The following PRELID2 variants were observed in gnomAD, a reference collection of about 807,000 sequenced individuals.
PRELID2 encodes the protein PRELI domain containing 2.
In PRELID2, 25 loss-of-function variants were observed where a neutral mutation model predicts 28.4. The observed-to-expected ratio is 0.88, with a 90% confidence interval of 0.64 to 1.23. The LOEUF (loss-of-function observed/expected upper bound fraction) is 1.23, where lower values mean the gene tolerates loss of function less well. PRELID2 is among the 50% of genes most tolerant of loss of function. PRELID2 has a pLI of 0.00. For missense variants in PRELID2, 201 were observed against 214.4 expected, an observed-to-expected ratio of 0.94 and a Z score of 0.39; for synonymous variants, 76 against 71.6, an observed-to-expected ratio of 1.06 and a Z score of -0.31.
At chr5:145,819,809 C>G (rs185676723) in intron 3 of PRELID2, 136 bp downstream of exon 3, 1 of 681,826 alleles carries the variant, frequency 1.5e-6, no homozygotes, top group Non-Finnish European at 2.6e-6. Context: ...AAAGAGCTTT[C>G]TTCCTCAGAA....
the PRELID2 span, among the ~76,000 whole-genome samples, chr5:145,340,690 C>T: frequency 1.4e-3 from 216 of 150,924 alleles, no homozygotes; most frequent in African/African-American, 5.2e-3. Flanking sequence ...TCACTTGAGC[C>T]GGGGATGCAG....
chr5:145,721,683 G>A (rs1159197107), intron 1 of PRELID2, among the ~76,000 whole-genome samples: 1 of 151,966 alleles, frequency 6.6e-6, no homozygotes, highest in Non-Finnish European at 1.5e-5. Flanking sequence ...TCACCAACAG[G>A]TATCAAAGCC....
At chr5:145,637,975 T>A (rs1330544760) in intron 1 of PRELID2, among the ~76,000 whole-genome samples, 1 of 152,102 alleles carries the variant, frequency 6.6e-6, no homozygotes, top group Non-Finnish European at 1.5e-5. Context: ...CACATCCAGC[T>A]AATTTTTGTA....
the PRELID2 span, among the ~76,000 whole-genome samples, chr5:145,357,911 ATT>A: frequency 1.1e-4 from 15 of 142,616 alleles, no homozygotes; most frequent in African/African-American, 2.1e-4. Flanking sequence ...TGTCCCTTGG[ATT>A]TTTTTTTTTT....
chr5:145,725,901 A>G (rs1756131701), intron 1 of PRELID2, among the ~76,000 whole-genome samples: 1 of 152,184 alleles, frequency 6.6e-6, no homozygotes, highest in Non-Finnish European at 1.5e-5. Context: ...AAGAATTTAC[A>G]CGTGGGTGCA....
At chr5:145,488,294 T>C (rs1020486675) in intron 1 of PRELID2, among the ~76,000 whole-genome samples, 1 of 152,082 alleles carries the variant, frequency 6.6e-6, no homozygotes, top group Non-Finnish European at 1.5e-5. Context: ...TAGGAAAGAA[T>C]TAAGATTATC....
In PRELID2 at chr5:145,604,892, T is replaced by TATATATATATATATATATATATATATAC. The variant is rs1561517249; in HGVS notation, n.71-131578_71-131577insGTATATATATATATATATATATATATAT. Among the ~76,000 whole-genome samples the TATATATATATATATATATATATATATAC allele has an allele frequency of 2.0e-4, 28 of 142,912 alleles. 1 individual carries two copies. Among genetic ancestry groups the TATATATATATATATATATATATATATAC allele is most frequent in the African/African-American group, 6.6e-4 (25 of 37,950 alleles). 93.8% of individuals were successfully genotyped at this position (142,912 alleles called of 152,430 possible). On this transcript the variant is annotated intron_variant and non_coding_transcript_variant, in intron 1 of 2. Coordinates refer to the PRELID2 transcript ENST00000510259. ...AATATGCTTGTTGGCCATATATATA[T>TATATATATATATATATATATATATATAC]ATATATATATATTCTATTGAATTAT... is the stretch of plus-strand genomic sequence containing the variant.
chr5:145,799,422 T>C (rs549902066), intron 4 of PRELID2, among the ~76,000 whole-genome samples: 6 of 152,090 alleles, frequency 3.9e-5, no homozygotes, highest in African/African-American at 9.7e-5. Flanking sequence ...TACTATATGC[T>C]AAGTGCCATA....
At chr5:145,577,067 G>T (rs1753067234) in intron 1 of PRELID2, among the ~76,000 whole-genome samples, 1 of 152,118 alleles carries the variant, frequency 6.6e-6, no homozygotes, top group African/African-American at 2.4e-5. Flanking sequence ...GACCCTGCCA[G>T]CCAGCCTTCA....
chr5:145,423,275 G>A, the PRELID2 span, among the ~76,000 whole-genome samples: 3 of 147,886 alleles, frequency 2.0e-5, no homozygotes, highest in Non-Finnish European at 4.5e-5. Context: ...GAATCTGAAC[G>A]TTGGCCTGCC....
chr5:145,433,637 G>T, the PRELID2 span, among the ~76,000 whole-genome samples: 4 of 152,154 alleles, frequency 2.6e-5, no homozygotes, highest in Non-Finnish European at 4.4e-5. Context: ...CTCCTCAGAG[G>T]TCTGAGCCCC....
intron 1 of PRELID2, among the ~76,000 whole-genome samples, chr5:145,703,127 T>G (rs564141768): frequency 6.6e-5 from 10 of 152,286 alleles, no homozygotes; most frequent in African/African-American, 2.4e-4. Flanking sequence ...GTATACTAAG[T>G]CTTTGGAAGA....
chr5:145,342,201 A>G, the PRELID2 span, among the ~76,000 whole-genome samples: 1 of 152,222 alleles, frequency 6.6e-6, no homozygotes, highest in East Asian at 1.9e-4. Flanking sequence ...TCCAAGATAG[A>G]CAAATCTTGA....
intron 4 of PRELID2, among the ~76,000 whole-genome samples, chr5:145,799,383 T>G (rs1752981492): frequency 1.3e-5 from 2 of 152,112 alleles, no homozygotes; most frequent in Admixed American, 1.3e-4. Flanking sequence ...CCTCATTCAT[T>G]CATTTGTTCA....
chr5:145,766,494 A>C, intron 5 of PRELID2, among the ~76,000 whole-genome samples: 1 of 152,208 alleles, frequency 6.6e-6, no homozygotes, highest in East Asian at 1.9e-4. Context: ...AATAAAATAT[A>C]TTTAACACCA....
the PRELID2 span, among the ~76,000 whole-genome samples, chr5:145,346,902 ACTGTGAGCATC>A: frequency 2.0e-5 from 3 of 152,126 alleles, no homozygotes; most frequent in African/African-American, 7.2e-5. Flanking sequence ...AAATAAATTA[ACTGTGAGCATC>A]CTAGACTATG....
chr5:145,798,148 G>A (rs148678684), intron 4 of PRELID2, among the ~76,000 whole-genome samples: 2 of 151,862 alleles, frequency 1.3e-5, no homozygotes, highest in South Asian at 4.2e-4. Context: ...CAAACTTAAA[G>A]ATAGGTTATT....
At chr5:145,366,461 T>A in the PRELID2 span, among the ~76,000 whole-genome samples, 2 of 151,834 alleles carry the variant, frequency 1.3e-5, no homozygotes, top group African/African-American at 4.8e-5. Context: ...TCCCCCCAAA[T>A]AAGCTAAATG....
chr5:145,778,700 C>T (rs1456482701), intron 5 of PRELID2, among the ~76,000 whole-genome samples: 3 of 152,202 alleles, frequency 2.0e-5, no homozygotes, highest in Non-Finnish European at 2.9e-5. Context: ...CTGTACTCCA[C>T]GCTTGCTCAC....
Sources: gnomAD v4.1 joint callset for allele counts (sites outside exome capture counted in the v4.1 genomes callset) on GRCh38, gnomAD v4.1.1 for gene constraint, MANE v1.5 for transcripts, NCBI Gene and HGNC (gene_info 2026-07-23, HGNC 2026-07-21) for gene names.